METTL9: variants seen among roughly 807,000 people sequenced by gnomAD.
METTL9 encodes protein-L-histidine N-pros-methyltransferase.
In METTL9, 10 loss-of-function variants were observed where a neutral mutation model predicts 36.0. The observed-to-expected ratio is 0.28, with a 90% CI of 0.17 to 0.47. METTL9 has a LOEUF of 0.47. METTL9 is among the 20% of genes least tolerant of loss of function. The probability of loss-of-function intolerance (pLI) is 0.99; values close to 1 mark genes in which losing one functional copy is unlikely to be tolerated. For missense variants in METTL9, 246 were observed against 383.5 expected, an observed-to-expected ratio of 0.64 and a Z score of 3.00; for synonymous variants, 175 against 149.7, an observed-to-expected ratio of 1.17 and a Z score of -1.23.
rs1323232679 is a variant in METTL9 at position 21,643,288 on chromosome 16, A to C, written c.752-11939A>C. On this transcript the variant is annotated intron_variant, in intron 4 of 4. Transcript: ENST00000358154. The stretch of plus-strand genomic sequence containing the variant: ...CCCCTCCCCCAACACATATGTGCCT[A>C]CAGTTAACTCTTTTGTATTTGAGAA... The C allele has an allele frequency of 1.6e-5, 11 of 679,416 alleles. No individual in the cohort carries two copies. The East Asian group carries it at 2.8e-4, about 18-fold the overall frequency. The allele number at this position is 679,416 out of a possible 1,614,324, so 42.1% of individuals were successfully genotyped here.
At chr16:21,613,988 T>G (rs1479227980) in intron 2 of METTL9, among the ~76,000 whole-genome samples, 1 of 152,164 alleles carries the variant, frequency 6.6e-6, no homozygotes, top group Non-Finnish European at 1.5e-5. Flanking sequence ...TCTTTTCCCT[T>G]GAGGTTTGGA....
chr16:21,652,276 T>C lies in METTL9; in HGVS notation c.752-2951T>C, dbSNP rs533843796. 22 of 342,268 alleles carry C rather than the reference T, an allele frequency of 6.4e-5. No homozygotes were observed. In the Admixed American group the frequency reaches 6.7e-4, roughly 10 times the overall value. 21.2% of individuals were successfully genotyped at this position (342,268 alleles called of 1,614,324 possible). A position where few individuals can be genotyped will look rare whatever the true frequency, so the allele number is the denominator to read the frequency against. On this transcript the variant is annotated intron_variant, in intron 4 of 4. Coordinates refer to ENST00000358154, the MANE Select transcript of METTL9 (RefSeq NM_016025.5). ...ACTTATACCTACGATTTTAAGAATATTTTCAACCCTTTGGTCAGATTGTCT... is the reference window on the plus strand; with the variant it reads ...ACTTATACCTACGATTTTAAGAATACTTTCAACCCTTTGGTCAGATTGTCT...
At chr16:21,617,148 G>T (rs1274146751) in intron 2 of METTL9, among the ~76,000 whole-genome samples, 3 of 152,060 alleles carry the variant, frequency 2.0e-5, no homozygotes, top group African/African-American at 7.2e-5. Flanking sequence ...TGCTGGGCAC[G>T]GTGGCTCATG....
At chr16:21,604,629 T>C (rs946183720) in intron 1 of METTL9, among the ~76,000 whole-genome samples, 7 of 152,188 alleles carry the variant, frequency 4.6e-5, no homozygotes, top group Admixed American at 6.5e-5. Flanking sequence ...GGTCTGAATA[T>C]TTACGCCTAT....
chr16:21,614,752 G>GT (rs948331657), intron 2 of METTL9, among the ~76,000 whole-genome samples: 2 of 152,164 alleles, frequency 1.3e-5, no homozygotes, highest in African/African-American at 4.8e-5. Context: ...GAAAGACTTA[G>GT]TAGATGTTCC....
At chr16:21,604,253 A>C (rs1313607779) in intron 1 of METTL9, among the ~76,000 whole-genome samples, 1 of 152,088 alleles carries the variant, frequency 6.6e-6, no homozygotes, top group East Asian at 1.9e-4. Context: ...TTGAAACCCC[A>C]AGTGTTTGCT....
At chr16:21,643,670 C>G in intron 4 of METTL9, 1 of 971,860 alleles carries the variant, frequency 1.0e-6, no homozygotes, top group Non-Finnish European at 1.6e-6. Flanking sequence ...TATCTCATGC[C>G]CTAATAAGAT....
At chr16:21,630,937 G>A (rs1025094162) in intron 4 of METTL9, among the ~76,000 whole-genome samples, 10 of 151,912 alleles carry the variant, frequency 6.6e-5, no homozygotes, top group South Asian at 6.3e-4. Flanking sequence ...GCGGCATCTC[G>A]TACTATCCCT....
chr16:21,647,234 G>T, intron 4 of METTL9: 1 of 1,614,156 alleles, frequency 6.2e-7, no homozygotes, highest in Non-Finnish European at 8.5e-7. Context: ...GTCATTTGAA[G>T]TCACTCTGTT....
At chr16:21,598,331 G>A (rs937970848), upstream of METTL9, among the ~76,000 whole-genome samples, 3 of 144,910 alleles carry the variant, frequency 2.1e-5, no homozygotes, top group African/African-American at 7.7e-5. Flanking sequence ...CCTGGAGACA[G>A]AGCGAGACTC....
At chr16:21,648,641 A>G (rs1381457153) in intron 4 of METTL9, among the ~76,000 whole-genome samples, 1 of 152,244 alleles carries the variant, frequency 6.6e-6, no homozygotes, top group Non-Finnish European at 1.5e-5. Context: ...GAAGCTGGAA[A>G]GCCACTCGAG....
chr16:21,644,991 T>C (rs572627544), intron 4 of METTL9, among the ~76,000 whole-genome samples: 8 of 152,346 alleles, frequency 5.3e-5, no homozygotes, highest in African/African-American at 1.9e-4. Context: ...ATAGAGTTAT[T>C]GAATCCATTT....
chr16:21,609,801 T>C (rs1965384292), intron 1 of METTL9, among the ~76,000 whole-genome samples: 1 of 152,162 alleles, frequency 6.6e-6, no homozygotes, highest in African/African-American at 2.4e-5. Flanking sequence ...ATTAAGCATT[T>C]TGGATGTTAT....
chr16:21,654,579 A>G (rs1434974361), intron 4 of METTL9: 1 of 152,426 alleles, frequency 6.6e-6, no homozygotes, highest in Non-Finnish European at 1.5e-5. Flanking sequence ...GAAATGCTGG[A>G]CGGTGTATCC....
At chr16:21,652,613 G>C in intron 4 of METTL9, 2 of 1,599,186 alleles carry the variant, frequency 1.3e-6, no homozygotes, top group South Asian at 2.3e-5. Context: ...GTGTATGCCG[G>C]GGCGGGTTGG....
chr16:21,636,676 C>T lies in METTL9; in HGVS notation c.751+11561C>T, dbSNP rs1163345003. On this transcript the variant is annotated intron_variant, in intron 4 of 4. Transcript: ENST00000358154. ...GTTCAGCCCAGAAGTACTGGAAAGG[C>T]GGAAGCTGGTTCCAGGCCAACCACC... Among the ~76,000 whole-genome samples the T allele has an allele frequency of 3.9e-5, 6 of 152,258 alleles. No individual in the cohort carries two copies. The South Asian group carries it at 6.2e-4, about 16-fold the overall frequency.
intron 3 of METTL9, among the ~76,000 whole-genome samples, chr16:21,621,968 G>A (rs1035606223): frequency 1.9e-4 from 29 of 150,910 alleles, no homozygotes; most frequent in Middle Eastern, 3.4e-3. Flanking sequence ...TCAGCCTCCC[G>A]AGTAGCTGGG....
intron 4 of METTL9, among the ~76,000 whole-genome samples, chr16:21,633,053 C>T (rs1966004202): frequency 6.6e-6 from 1 of 152,138 alleles, no homozygotes; most frequent in African/African-American, 2.4e-5. Context: ...ATAGAGGGGC[C>T]TGGCTATCTC....
chr16:21,609,241 C>T (rs1244765469), intron 1 of METTL9, among the ~76,000 whole-genome samples: 1 of 152,056 alleles, frequency 6.6e-6, no homozygotes, highest in East Asian at 1.9e-4. Context: ...TGTGGTTATC[C>T]TTATGTTTCC....
Sources: gnomAD v4.1 joint callset for allele counts (sites outside exome capture counted in the v4.1 genomes callset) on GRCh38, gnomAD v4.1.1 for gene constraint, MANE v1.5 for transcripts, NCBI Gene and HGNC (gene_info 2026-07-23, HGNC 2026-07-21) for gene names.